The following ATP13A5 variants were observed in gnomAD, a reference collection of about 807,000 sequenced individuals.
ATP13A5 encodes ATPase 13A5.
ATP13A5 carries 149 observed loss-of-function variants against 150.2 expected under a neutral mutation model. The observed-to-expected ratio is 0.99, with a 90% confidence interval of 0.87 to 1.14. ATP13A5 has a LOEUF of 1.14. ATP13A5 is among the 50% of genes most tolerant of loss of function. The pLI, the probability that ATP13A5 is intolerant of heterozygous loss-of-function variation, is 0.00. For synonymous variants in ATP13A5, 497 were observed against 522.2 expected, an observed-to-expected ratio of 0.95 and a Z score of 0.66; for missense variants, 1,383 against 1,449.3, an observed-to-expected ratio of 0.95 and a Z score of 0.74.
intron 23 of ATP13A5, among the ~76,000 whole-genome samples, chr3:193,303,307 A>C (rs918698107): frequency 6.6e-6 from 1 of 151,190 alleles, no homozygotes; most frequent in Non-Finnish European, 1.5e-5. Flanking sequence ...TCAAGTTGCA[A>C]CTCCCCTACT....
chr3:193,363,380 G>T lies in ATP13A5; in HGVS notation c.240C>A (p.Asp80Glu), dbSNP rs532060349. Residue 80 changes from aspartate (D) to glutamate (E), a missense_variant and splice_region_variant, in exon 3 of 30, where the codon GAC (aspartate) becomes GAA (glutamate). Transcript: ENST00000342358. ...TCTTCCTCATATATCTTTGAAATTC[G>T]TCCTGGAAAAGACAATCCAGTTCAT... The part of the protein sequence containing the change: ...EADTVLLRTT[D>E]EFQRYMRKKV... The T allele has an allele frequency of 6.8e-5, 109 of 1,610,288 alleles. No individual in the cohort carries two copies. Among genetic ancestry groups the T allele is most frequent in the Non-Finnish European group, 9.0e-5 (106 of 1,178,174 alleles).
chr3:193,308,234 C>T (rs1377264466), intron 21 of ATP13A5, among the ~76,000 whole-genome samples: 9 of 152,080 alleles, frequency 5.9e-5, no homozygotes, highest in Admixed American at 5.2e-4. Flanking sequence ...CTGAGGCAGG[C>T]GGATCTTGAG....
At chr3:193,343,503 G>T (rs1174132086) in intron 9 of ATP13A5, among the ~76,000 whole-genome samples, 2 of 152,162 alleles carry the variant, frequency 1.3e-5, no homozygotes, top group African/African-American at 4.8e-5. Context: ...TATCTACAGA[G>T]TGCAGGGTTG....
chr3:193,364,380 T>G, intron 1 of ATP13A5, 100 bp from the exon 2 acceptor site: 1 of 1,437,146 alleles, frequency 7.0e-7, no homozygotes, highest in African/African-American at 1.4e-5. Flanking sequence ...GAATGTTGGC[T>G]GGGAGACAAA....
intron 29 of ATP13A5, 55 bp from the exon 30 acceptor site, chr3:193,275,357 A>G: frequency 6.3e-7 from 1 of 1,585,846 alleles, no homozygotes; most frequent in Admixed American, 1.7e-5. Flanking sequence ...CCCTGCAGCC[A>G]GGCCGCTGGC....
At chr3:193,330,843 T>C (rs1711601265) in intron 12 of ATP13A5, among the ~76,000 whole-genome samples, 1 of 152,152 alleles carries the variant, frequency 6.6e-6, no homozygotes, top group African/African-American at 2.4e-5. Context: ...AGAAGTTACA[T>C]AGTAAGAGAT....
intron 21 of ATP13A5, 128 bp from the exon 22 acceptor site, chr3:193,307,497 C>G: frequency 8.9e-7 from 1 of 1,119,498 alleles, no homozygotes; most frequent in Admixed American, 2.0e-5. Flanking sequence ...CACCTGGAAT[C>G]AGGCTGAAGA....
intron 9 of ATP13A5, among the ~76,000 whole-genome samples, chr3:193,340,456 A>G (rs1712072929): frequency 6.6e-6 from 1 of 152,232 alleles, no homozygotes; most frequent in Non-Finnish European, 1.5e-5. Context: ...GAAGAGAGAA[A>G]AAGATCTGAC....
intron 15 of ATP13A5, 29 bp downstream of exon 15, chr3:193,322,462 G>T (rs769524359): frequency 1.3e-6 from 2 of 1,498,538 alleles, no homozygotes; most frequent in South Asian, 2.3e-5. Context: ...TGGGGAAAGA[G>T]CTATGTGATG....
intron 21 of ATP13A5, among the ~76,000 whole-genome samples, chr3:193,309,908 A>G (rs1382897782): frequency 2.0e-5 from 3 of 151,984 alleles, no homozygotes; most frequent in Non-Finnish European, 4.4e-5. Flanking sequence ...ACATGTGCAG[A>G]TTTGTTATAC....
At chr3:193,374,886 G>A (rs1250309745) in intron 1 of ATP13A5, among the ~76,000 whole-genome samples, 1 of 152,114 alleles carries the variant, frequency 6.6e-6, no homozygotes, top group Non-Finnish European at 1.5e-5. Context: ...ATAAAAGCAA[G>A]TTGGGACCCC....
In ATP13A5 at chr3:193,354,209, G is replaced by C; in HGVS notation, c.537-13C>G. 6.2e-7 allele frequency: 1 copy of C among 1,608,496 alleles called. No homozygotes were observed. Among genetic ancestry groups the C allele is most frequent in the Non-Finnish European group, 8.5e-7 (1 of 1,178,174 alleles). On this transcript the variant is annotated splice_polypyrimidine_tract_variant and intron_variant, in intron 5 of 29. Transcript: ENST00000342358. ...ACACACTAATCTTCTGCGGGAAATT[G>C]ATCATCCATTAGTGTCATAGCTACA...
At chr3:193,303,310 C>G (rs571634638) in intron 23 of ATP13A5, among the ~76,000 whole-genome samples, 1 of 152,268 alleles carries the variant, frequency 6.6e-6, no homozygotes, top group East Asian at 1.9e-4. Flanking sequence ...AGTTGCAACT[C>G]CCCTACTGAA....
At chr3:193,355,560 T>C (rs1220663303) in intron 5 of ATP13A5, among the ~76,000 whole-genome samples, 1 of 152,198 alleles carries the variant, frequency 6.6e-6, no homozygotes, top group East Asian at 1.9e-4. Flanking sequence ...TTAGCCATAT[T>C]TCTTTCCAAG....
At chr3:193,292,410 A>T (rs1718000351) in intron 25 of ATP13A5, among the ~76,000 whole-genome samples, 1 of 152,114 alleles carries the variant, frequency 6.6e-6, no homozygotes, top group African/African-American at 2.4e-5. Flanking sequence ...TCTTTTACAC[A>T]GTAACTGTGG....
chr3:193,292,029 A>G (rs375576257), intron 25 of ATP13A5, among the ~76,000 whole-genome samples: 5 of 152,088 alleles, frequency 3.3e-5, no homozygotes, highest in East Asian at 1.9e-4. Flanking sequence ...GGTGGTATCG[A>G]GAGCCCCACA....
intron 23 of ATP13A5, among the ~76,000 whole-genome samples, chr3:193,302,097 C>G (rs985113198): frequency 1.3e-5 from 2 of 152,154 alleles, no homozygotes; most frequent in African/African-American, 4.8e-5. Context: ...GCCTCCTCTG[C>G]TCAGGGCAGA....
chr3:193,305,428 G>T, intron 23 of ATP13A5, 131 bp downstream of exon 23: 1 of 771,838 alleles, frequency 1.3e-6, no homozygotes, highest in Non-Finnish European at 2.2e-6. Context: ...CCCCTTCATT[G>T]GTTCTCCAAT....
At chr3:193,290,128 G>T in intron 25 of ATP13A5, 69 bp from the exon 26 acceptor site, 1 of 1,444,130 alleles carries the variant, frequency 6.9e-7, no homozygotes, top group Non-Finnish European at 9.3e-7. Context: ...AGATTGAGAT[G>T]CATATTATCT....
Sources: allele counts gnomAD v4.1 joint callset (sites outside exome capture counted in the v4.1 genomes callset), GRCh38; gene constraint gnomAD v4.1.1; transcripts MANE v1.5; gene names NCBI Gene and HGNC (gene_info 2026-07-23, HGNC 2026-07-21).